The following MMP17 variants were observed in gnomAD, a reference collection of about 807,000 sequenced individuals.
MMP17 encodes the protein matrix metallopeptidase 17, also known as matrix metalloproteinase-17.
Under a neutral mutation model 49.1 loss-of-function variants are expected in MMP17, and 54 were observed. That is an observed-to-expected ratio of 1.10 (90% CI 0.88 to 1.38). The LOEUF (loss-of-function observed/expected upper bound fraction) is 1.38, where lower values mean the gene tolerates loss of function less well. Among genes scored for constraint, MMP17 ranks in the 40% most tolerant of loss-of-function variants. The pLI is 0.00. For missense variants in MMP17, 837 were observed against 853.7 expected (o/e 0.98, Z 0.24); for synonymous variants, 397 against 383.1 (o/e 1.04, Z -0.42).
chr12:131,839,824 T>G (rs548281428), intron 3 of MMP17, among the ~76,000 whole-genome samples: 12 of 152,000 alleles, frequency 7.9e-5, no homozygotes, highest in Non-Finnish European at 1.5e-4. Flanking sequence ...GATGTGTGCC[T>G]GTAATCCCTG....
rs1381666363 is a variant in MMP17 at position 131,844,011 on chromosome 12, G to A, written c.898G>A (p.Val300Met). ...VWQLYGVRES[V>M]SPTAQPEEPP... ...GTCTCCCGCAGGTGTGCGGGAGTCT[G>A]TGTCTCCCACGGCGCAGCCCGAGGA... is the stretch of plus-strand genomic sequence containing the variant. The change falls in exon 6 of 10, where the codon GTG becomes ATG. Residue 300 changes from valine to methionine, a missense_variant. Coordinates refer to ENST00000360564, the MANE Select transcript of MMP17 (RefSeq NM_016155.7). 6.4e-7 allele frequency: 1 copy of A among 1,563,962 alleles called. No individual in the cohort carries two copies. Among genetic ancestry groups the A allele is most frequent in the Non-Finnish European group, 8.6e-7 (1 of 1,156,156 alleles).
intron 6 of MMP17, chr12:131,844,835 C>T: frequency 2.3e-6 from 1 of 432,134 alleles, no homozygotes; most frequent in South Asian, 3.3e-5. Context: ...TGGCACCCAG[C>T]CAGGCCCAGG....
At position 131,851,394 on chromosome 12, in the gene MMP17, C is replaced by T; in HGVS notation, c.*120C>T. ...GCGGGATGAGGACGGGCCACCCTGG[C>T]ACCGGAAGGCCAGCAGAGGGCACTG... On this transcript the variant is annotated 3_prime_UTR_variant, in exon 10 of 10. Transcript: ENST00000360564. The T allele has an allele frequency of 1.1e-6, 1 of 939,584 alleles. No individual in the cohort carries two copies. Among genetic ancestry groups the T allele is most frequent in the Non-Finnish European group, 1.4e-6 (1 of 706,054 alleles). 58.2% of individuals were successfully genotyped at this position (939,584 alleles called of 1,614,324 possible).
intron 9 of MMP17, among the ~76,000 whole-genome samples, chr12:131,850,601 C>T (rs1013459470): frequency 1.1e-4 from 16 of 152,172 alleles, no homozygotes; most frequent in Non-Finnish European, 2.4e-4. Flanking sequence ...CTGAGGGTCT[C>T]CTGGTCCATC....
intron 1 of MMP17, among the ~76,000 whole-genome samples, chr12:131,831,630 C>G (rs1886799028): frequency 6.6e-6 from 1 of 151,370 alleles, no homozygotes; most frequent in African/African-American, 2.4e-5. Flanking sequence ...GTCCCTTGCT[C>G]CGCGGTCCCC....
intron 9 of MMP17, among the ~76,000 whole-genome samples, chr12:131,850,271 T>TCCCCGCCCTCAGCACTC (rs1201366405): frequency 6.6e-6 from 1 of 152,002 alleles, no homozygotes; most frequent in East Asian, 1.9e-4. Context: ...GCCCTTGTTC[T>TCCCCGCCCTCAGCACTC]CCCCGCCCTC....
At position 131,851,222 on chromosome 12, in the gene MMP17, C is replaced by G. The variant is rs1391920799; in HGVS notation, c.1760C>G (p.Pro587Arg). ...LVAATMLLLL[P>R]PLSPGALWTA... The stretch of plus-strand genomic sequence containing the variant: ...GCTGCCACCATGCTGCTGCTGCTGC[C>G]GCCACTGTCACCAGGCGCCCTGTGG... The change falls in exon 10 of 10, where the codon CCG becomes CGG. Residue 587 changes from proline (P) to arginine (R), a missense_variant. Pro to Arg is a moderately radical substitution (Grantham distance 103). Transcript: ENST00000360564. 2 of 1,452,274 alleles carry G rather than the reference C, an allele frequency of 1.4e-6. No individual in the cohort carries two copies. The highest frequency in any genetic ancestry group is 1.8e-4 in the Middle Eastern group (1 of 5,470). The allele number at this position is 1,452,274 out of a possible 1,614,324, so 90.0% of individuals were successfully genotyped here.
chr12:131,838,008 C>T, intron 1 of MMP17, 187 bp from the exon 2 acceptor site: 1 of 659,916 alleles, frequency 1.5e-6, no homozygotes, highest in Non-Finnish European at 2.4e-6. Context: ...CAGCACCCGG[C>T]CAGGGACATC....
chr12:131,836,968 T>C (rs1593225627), intron 1 of MMP17, among the ~76,000 whole-genome samples: 1 of 151,308 alleles, frequency 6.6e-6, no homozygotes, highest in African/African-American at 2.4e-5. Context: ...GGCCCCCCTG[T>C]CCCCAGGGCC....
Position 131,846,894 on chromosome 12 carries a change from C to T in MMP17, c.1204+1445C>T, listed in dbSNP as rs955525584. Among the ~76,000 whole-genome samples, 20 of 152,114 alleles carry T rather than the reference C, an allele frequency of 1.3e-4. No homozygotes were observed. The highest frequency in any genetic ancestry group is 3.9e-4 in the East Asian group (2 of 5,182). Reference sequence around the variant, plus strand: ...GGGGAACCACTTCCTGTAACTCCATCGCCTGCCCGGCCCTCAGCATTTGAC... The same window carrying T: ...GGGGAACCACTTCCTGTAACTCCATTGCCTGCCCGGCCCTCAGCATTTGAC... On this transcript the variant is annotated intron_variant, in intron 8 of 9. Coordinates refer to ENST00000360564, the MANE Select transcript of MMP17 (RefSeq NM_016155.7). The surrounding 1 kb of genome is among the most constrained non-coding windows in gnomAD (Gnocchi z 4.6).
At chr12:131,829,941 T>C (rs1477124076) in intron 1 of MMP17, among the ~76,000 whole-genome samples, 4 of 152,218 alleles carry the variant, frequency 2.6e-5, no homozygotes, top group Non-Finnish European at 5.9e-5. Flanking sequence ...GCCTGTGAAC[T>C]TGGGGTGCCC....
At position 131,836,246 on chromosome 12, in the gene MMP17, G is replaced by A. The variant is rs534834127; in HGVS notation, c.160-1949G>A. On this transcript the variant is annotated intron_variant, in intron 1 of 9. Coordinates refer to ENST00000360564, the MANE Select transcript of MMP17 (RefSeq NM_016155.7). ...CAGTGCTTCCTGGAAGGGGGATCTC[G>A]GGGTGTGCAGATCCCATGTAGTGTC... Among the ~76,000 whole-genome samples the A allele has an allele frequency of 4.6e-5, 7 of 152,234 alleles. No homozygotes were observed. In the South Asian group the frequency reaches 6.2e-4, roughly 14 times the overall value.
chr12:131,841,511 G>A (rs947865297), intron 4 of MMP17, 113 bp from the exon 5 acceptor site: 24 of 1,095,816 alleles, frequency 2.2e-5, no homozygotes, highest in East Asian at 9.5e-5. Flanking sequence ...TGGCGCAGCC[G>A]GCATCGAGGC....
intron 8 of MMP17, among the ~76,000 whole-genome samples, chr12:131,847,263 A>G (rs867771209): frequency 6.6e-6 from 1 of 151,588 alleles, no homozygotes; most frequent in Non-Finnish European, 1.5e-5. Context: ...AATACAAAAA[A>G]TTTGCCGGGC....
At chr12:131,847,739 G>T (rs192082853) in intron 8 of MMP17, among the ~76,000 whole-genome samples, 2 of 152,370 alleles carry the variant, frequency 1.3e-5, no homozygotes, top group South Asian at 2.1e-4. Flanking sequence ...GGTGATGTTC[G>T]CTGTGGTCAC....
chr12:131,840,932 C>G (rs1011914314), intron 4 of MMP17, 76 bp downstream of exon 4: 6 of 1,453,628 alleles, frequency 4.1e-6, no homozygotes, highest in Non-Finnish European at 4.5e-6. Context: ...CCATGGCCCC[C>G]CCATCCCCAA....
At position 131,845,372 on chromosome 12, in the gene MMP17, G is replaced by A. The variant is rs1245899483; in HGVS notation, c.1127G>A (p.Arg376Gln). The A allele has an allele frequency of 2.6e-5, 41 of 1,597,802 alleles. No homozygotes were observed. Among genetic ancestry groups the A allele is most frequent in the Middle Eastern group, 1.7e-4 (1 of 6,042 alleles). The change falls in exon 8 of 10, where the codon CGG (arginine) becomes CAG (glutamine). Residue 376 changes from arginine to glutamine, a missense_variant. Coordinates refer to ENST00000360564, the MANE Select transcript of MMP17 (RefSeq NM_016155.7). Reference protein sequence around the residue: ...LQPAQMHRFWRGLPLHLDSVD... With the variant: ...LQPAQMHRFWQGLPLHLDSVD... ...CCGGCACAGATGCACCGCTTCTGGC[G>A]GGGCCTGCCGCTGCACCTGGACAGC...
chr12:131,843,233 T>C (rs1887512814), intron 5 of MMP17, among the ~76,000 whole-genome samples: 1 of 150,976 alleles, frequency 6.6e-6, no homozygotes. Context: ...CCCAAAGTGC[T>C]GGGATTATAG....
At chr12:131,840,880 G>T in intron 4 of MMP17, 24 bp downstream of exon 4, 2 of 1,557,588 alleles carry the variant, frequency 1.3e-6, no homozygotes, top group Non-Finnish European at 1.7e-6. Flanking sequence ...AGCCCTCAGG[G>T]CAGAGTCAGG....
Sources: gnomAD v4.1 joint callset for allele counts (sites outside exome capture counted in the v4.1 genomes callset) on GRCh38, gnomAD v4.1.1 for gene constraint, Gnocchi (gnomAD v3.1) non-coding constraint, MANE v1.5 for transcripts, NCBI Gene and HGNC (gene_info 2026-07-23, HGNC 2026-07-21) for gene names.